GLI2: variants seen among roughly 807,000 people sequenced by gnomAD.
The protein encoded by GLI2 is transcription activator GLI2.
GLI2 carries 22 observed loss-of-function variants against 78.9 expected under a neutral mutation model. The observed-to-expected ratio is 0.28, with a 90% CI of 0.20 to 0.40. The LOEUF (loss-of-function observed/expected upper bound fraction) is 0.40, where lower values mean the gene tolerates loss of function less well. GLI2 is among the 10% of genes least tolerant of loss of function. The probability of loss-of-function intolerance (pLI) is 1.00; values close to 1 mark genes in which losing one functional copy is unlikely to be tolerated. For missense variants in GLI2, 2,097 were observed against 2,213.2 expected (o/e 0.95, Z 1.05); for synonymous variants, 974 against 963.7 (o/e 1.01, Z -0.20).
intron 1 of GLI2, among the ~76,000 whole-genome samples, chr2:120,771,184 GA>G (rs1683510423): frequency 6.6e-6 from 1 of 152,222 alleles, no homozygotes; most frequent in Non-Finnish European, 1.5e-5. Context: ...TCTGCATGAG[GA>G]GGCGGGCCGG....
At chr2:120,819,245 T>TA (rs1685651279) in intron 2 of GLI2, among the ~76,000 whole-genome samples, 1 of 147,624 alleles carries the variant, frequency 6.8e-6, no homozygotes, top group Admixed American at 6.7e-5. Flanking sequence ...AGAGATTTTT[T>TA]TTTTTTTTTT....
At chr2:120,934,696 C>T (rs761224650) in intron 3 of GLI2, among the ~76,000 whole-genome samples, 2 of 152,132 alleles carry the variant, frequency 1.3e-5, no homozygotes, top group Non-Finnish European at 2.9e-5. Context: ...CCAGGGCCTC[C>T]GGAGACAGCA....
chr2:120,835,154 G>T (rs957947905), intron 2 of GLI2, among the ~76,000 whole-genome samples: 4 of 152,192 alleles, frequency 2.6e-5, no homozygotes, highest in African/African-American at 9.7e-5. Context: ...GGTGGTATGG[G>T]TGGAGCCAAT....
intron 1 of GLI2, 82 bp from the exon 2 acceptor site, chr2:120,797,209 G>A (rs897234323): frequency 5.1e-5 from 51 of 1,002,696 alleles, no homozygotes; most frequent in Non-Finnish European, 7.5e-5. Flanking sequence ...CTTTAGGAGC[G>A]AGCGGCGGTG....
At position 120,880,960 on chromosome 2, in the gene GLI2, C is replaced by T. The variant is rs150240104; in HGVS notation, c.149-46401C>T. Among the ~76,000 whole-genome samples, 588 of 152,292 alleles carry T rather than the reference C, an allele frequency of 3.9e-3. 2 individuals carry two copies. Among genetic ancestry groups the T allele is most frequent in the Middle Eastern group, 0.017 (5 of 294 alleles). On this transcript the variant is annotated intron_variant, in intron 2 of 13. Coordinates refer to ENST00000361492, the MANE Select transcript of GLI2 (RefSeq NM_001374353.1). ...GGAGCAAAATGTGAAATTTGTCTTT[C>T]TTATTTGCCATCCTTCGAAGGCAGC...
chr2:120,917,953 T>G (rs1013663276), intron 2 of GLI2, among the ~76,000 whole-genome samples: 1 of 152,160 alleles, frequency 6.6e-6, no homozygotes, highest in Non-Finnish European at 1.5e-5. Context: ...TGGGGATTGG[T>G]CATCTGGGAA....
intron 2 of GLI2, among the ~76,000 whole-genome samples, chr2:120,807,145 T>G (rs889149757): frequency 6.6e-6 from 1 of 152,098 alleles, no homozygotes; most frequent in African/African-American, 2.4e-5. Context: ...GTGGCAGGGC[T>G]TGGGCAAGCC....
chr2:120,835,202 A>C (rs550983661), intron 2 of GLI2, among the ~76,000 whole-genome samples: 2 of 152,106 alleles, frequency 1.3e-5, no homozygotes, highest in Non-Finnish European at 2.9e-5. Flanking sequence ...TTTGATAGAC[A>C]AAGAAGCTGA....
rs59277032 is a variant in GLI2 at position 120,992,007 on chromosome 2, TACACACACACACACACAC to T, written c.*1359_*1376del. On this transcript the variant is annotated 3_prime_UTR_variant, in exon 14 of 14. Coordinates refer to ENST00000361492, the MANE Select transcript of GLI2 (RefSeq NM_001374353.1). ...GTGAATTGGTGCATCTTCCCCACCA[TACACACACACACACACAC>T]ACACACACACACACACACACACACA... The T allele has an allele frequency of 5.7e-3, 747 of 130,148 alleles. 2 individuals carry two copies. The highest frequency in any genetic ancestry group is 0.02 in the African/African-American group (694 of 35,024). 8.1% of individuals were successfully genotyped at this position (130,148 alleles called of 1,614,324 possible).
At position 120,913,908 on chromosome 2, in the gene GLI2, G is replaced by A. The variant is rs761990982; in HGVS notation, c.149-13453G>A. ...GACCAAATGTGGTGGCCTTACTGTCGTCTCAAGAGCTATGGCAGAGTGCAA... is the reference window on the plus strand; with the variant it reads ...GACCAAATGTGGTGGCCTTACTGTCATCTCAAGAGCTATGGCAGAGTGCAA... On this transcript the variant is annotated intron_variant, in intron 2 of 13. Transcript: ENST00000361492. 9.1e-4 allele frequency among the ~76,000 whole-genome samples: 138 copies of A among 152,208 alleles called. 1 individual carries two copies. Among genetic ancestry groups the A allele is most frequent in the East Asian group, 3.8e-4 (2 of 5,202 alleles).
intron 1 of GLI2, among the ~76,000 whole-genome samples, chr2:120,769,594 C>T (rs912143275): frequency 6.6e-6 from 1 of 152,208 alleles, no homozygotes; most frequent in Non-Finnish European, 1.5e-5. Context: ...TTACAGAAGG[C>T]AAGCTCAGAG....
rs140671955 is a variant in GLI2 at position 120,757,074 on chromosome 2, G to A, written c.-31+20789G>A. Among the ~76,000 whole-genome samples the A allele has an allele frequency of 3.1e-3, 471 of 152,210 alleles. 1 individual carries two copies. The highest frequency in any genetic ancestry group is 0.011 in the African/African-American group (442 of 41,538). ...TCATCTCTAGAAGTTTGATTGGGTC[G>A]TTTTGTATCTTCCATGTCTCCACTT... On this transcript the variant is annotated intron_variant, in intron 1 of 13. Coordinates refer to ENST00000361492, the MANE Select transcript of GLI2 (RefSeq NM_001374353.1).
intron 10 of GLI2, among the ~76,000 whole-genome samples, chr2:120,979,271 T>C (rs1682605949): frequency 1.3e-5 from 2 of 152,188 alleles, no homozygotes; most frequent in African/African-American, 4.8e-5. Flanking sequence ...CCAGCTGAGT[T>C]ATTTTTTTTT....
chr2:120,878,466 A>G (rs190224393), intron 2 of GLI2, among the ~76,000 whole-genome samples: 2 of 152,376 alleles, frequency 1.3e-5, no homozygotes, highest in Admixed American at 1.3e-4. Context: ...GTGTCTAGCT[A>G]TGGACTGAGA....
At chr2:120,767,010 C>T (rs552100169) in intron 1 of GLI2, among the ~76,000 whole-genome samples, 1 of 152,310 alleles carries the variant, frequency 6.6e-6, no homozygotes, top group South Asian at 2.1e-4. Context: ...TTTTGGTCCC[C>T]TTAGCTGCCC....
chr2:120,853,544 T>G (rs552657345), intron 2 of GLI2, among the ~76,000 whole-genome samples: 1 of 152,330 alleles, frequency 6.6e-6, no homozygotes, highest in East Asian at 1.9e-4. Context: ...CTGAGCTTTC[T>G]GGCTGTTTGG....
intron 2 of GLI2, among the ~76,000 whole-genome samples, chr2:120,853,645 A>G (rs1311477822): frequency 3.3e-5 from 5 of 152,122 alleles, no homozygotes; most frequent in Admixed American, 6.5e-5. Context: ...ACTTTCCTTC[A>G]TTTTCCAATG....
At chr2:120,950,583 T>G (rs11122835) in intron 3 of GLI2, among the ~76,000 whole-genome samples, 142,798 of 152,246 alleles carry the variant, frequency 0.94, 67,060 homozygotes, top group East Asian at 1. Flanking sequence ...TTGGGGCATC[T>G]GAGAAGGGTG....
intron 5 of GLI2, among the ~76,000 whole-genome samples, chr2:120,965,969 C>T (rs1355782882): frequency 6.6e-6 from 1 of 152,242 alleles, no homozygotes; most frequent in South Asian, 2.1e-4. Context: ...TGTGTACCCA[C>T]TGTAGCTCTG....
Sources: gnomAD v4.1 joint callset for allele counts (sites outside exome capture counted in the v4.1 genomes callset) on GRCh38, gnomAD v4.1.1 for gene constraint, MANE v1.5 for transcripts, NCBI Gene and HGNC (gene_info 2026-07-23, HGNC 2026-07-21) for gene names.